ANO2: variants seen among roughly 807,000 people sequenced by gnomAD.
ANO2 encodes anoctamin 2.
In ANO2, 101 loss-of-function variants were observed where a neutral mutation model predicts 124.2. The ratio of observed to expected loss-of-function variants is 0.81; its 90% confidence interval spans 0.69 to 0.96. The LOEUF (loss-of-function observed/expected upper bound fraction) is 0.96. Among genes scored for constraint, ANO2 ranks in the 40% least tolerant of loss-of-function variants. The pLI, the probability that ANO2 is intolerant of heterozygous loss-of-function variation, is 0.00. For missense variants in ANO2, 1,293 were observed against 1,274.5 expected (o/e 1.01, Z -0.22); for synonymous variants, 486 against 482.5 (o/e 1.01, Z -0.09).
chr12:5,613,712 C>T (rs758225973), intron 17 of ANO2, among the ~76,000 whole-genome samples: 1 of 152,180 alleles, frequency 6.6e-6, no homozygotes, highest in African/African-American at 2.4e-5. Flanking sequence ...TCCCCCAACA[C>T]TTTATTTATA....
intron 3 of ANO2, among the ~76,000 whole-genome samples, chr12:5,886,398 T>C (rs1028899007): frequency 1.3e-5 from 2 of 152,130 alleles, no homozygotes; most frequent in African/African-American, 4.8e-5. Context: ...GAAAATATAA[T>C]AGTGTTTGCC....
In ANO2 at chr12:5,839,940, C is replaced by A. The variant is rs552469342; in HGVS notation, c.634-7337G>T. ...TTGATCCTTGGCTGGGCTCCATGGA[C>A]TGCCCCTGAGAAGAAAGTAGGCTGT... On this transcript the variant is annotated intron_variant, in intron 4 of 24. Coordinates refer to ENST00000682330, the MANE Select transcript of ANO2 (RefSeq NM_001364791.2). 5.3e-5 allele frequency among the ~76,000 whole-genome samples: 8 copies of A among 152,278 alleles called. No homozygotes were observed. In the South Asian group the frequency reaches 1.7e-3, roughly 32 times the overall value.
At chr12:5,685,562 T>C (rs1948668583) in intron 14 of ANO2, among the ~76,000 whole-genome samples, 1 of 152,178 alleles carries the variant, frequency 6.6e-6, no homozygotes, top group South Asian at 2.1e-4. Context: ...GGCTGGTAGA[T>C]CAGTTGAGCC....
chr12:5,845,986 C>G (rs1158096537), intron 4 of ANO2, among the ~76,000 whole-genome samples: 1 of 152,204 alleles, frequency 6.6e-6, no homozygotes. Flanking sequence ...GACTTTTGAT[C>G]TCAAGATAAT....
At chr12:5,939,759 T>C (rs535946260) in intron 1 of ANO2, among the ~76,000 whole-genome samples, 24 of 152,344 alleles carry the variant, frequency 1.6e-4, no homozygotes, top group African/African-American at 5.1e-4. Flanking sequence ...AAGTAGCACA[T>C]GTCACTGTTC....
chr12:5,762,209 T>G (rs1471309543), intron 10 of ANO2, among the ~76,000 whole-genome samples: 1 of 152,002 alleles, frequency 6.6e-6, no homozygotes, highest in Non-Finnish European at 1.5e-5. Context: ...CCAAGTGAAG[T>G]AAAATACTGA....
Position 5,900,821 on chromosome 12 carries a change from T to A in ANO2, c.534+20219A>T, listed in dbSNP as rs1591763298. ...ACTGGTGATGGCTGTTTGGAAAGAG[T>A]CAAGGCCAAGAGGGCAGGAAGGCGT... is the stretch of plus-strand genomic sequence containing the variant. On this transcript the variant is annotated intron_variant, in intron 3 of 24. Coordinates refer to ENST00000682330, the MANE Select transcript of ANO2 (RefSeq NM_001364791.2). This position sits in a 1 kb window ranked among gnomAD's most constrained non-coding sequence, Gnocchi z 4.2. Among the ~76,000 whole-genome samples the A allele has an allele frequency of 6.6e-6, 1 of 151,598 alleles. No homozygotes were observed. The highest frequency in any genetic ancestry group is 1.9e-4 in the East Asian group (1 of 5,164).
At chr12:5,622,864 T>A (rs576862918) in intron 16 of ANO2, among the ~76,000 whole-genome samples, 42 of 151,170 alleles carry the variant, frequency 2.8e-4, no homozygotes, top group Middle Eastern at 6.8e-3. Context: ...CTCGGGAGGC[T>A]GAGGCGTGAA....
chr12:5,833,448 C>G (rs1281904008), intron 4 of ANO2, among the ~76,000 whole-genome samples: 1 of 152,140 alleles, frequency 6.6e-6, no homozygotes, highest in African/African-American at 2.4e-5. Context: ...CATCTCTGTT[C>G]CCACCCCCCT....
chr12:5,944,829 T>C (rs1459664127), intron 1 of ANO2, among the ~76,000 whole-genome samples: 1 of 152,178 alleles, frequency 6.6e-6, no homozygotes, highest in Non-Finnish European at 1.5e-5. Context: ...TATTGTTTAC[T>C]TACCTTCAGA....
At chr12:5,645,043 T>G (rs1946561019) in intron 15 of ANO2, among the ~76,000 whole-genome samples, 1 of 152,236 alleles carries the variant, frequency 6.6e-6, no homozygotes. Context: ...GATGCAGATT[T>G]ATTTTTACTT....
intron 4 of ANO2, among the ~76,000 whole-genome samples, chr12:5,849,555 G>A (rs61908364): frequency 0.15 from 23,507 of 152,202 alleles, 2,396 homozygotes; most frequent in Non-Finnish European, 0.21. Flanking sequence ...GATCTTGAGT[G>A]TCCCTCACAA....
chr12:5,830,539 C>A lies in ANO2; in HGVS notation c.786-50G>T. 1.9e-6 allele frequency: 3 copies of A among 1,541,012 alleles called. No individual in the cohort carries two copies. The South Asian group carries it at 3.5e-5, about 18-fold the overall frequency. ...GCAAATTCATTTCATTACCCTTGCC[C>A]TGAGACCACTGCCACCCCAGACCCA... On this transcript the variant is annotated intron_variant, in intron 5 of 24. Transcript: ENST00000682330.
chr12:5,717,080 C>T (rs1591980102), intron 14 of ANO2, among the ~76,000 whole-genome samples: 1 of 152,222 alleles, frequency 6.6e-6, no homozygotes, highest in African/African-American at 2.4e-5. Context: ...TAAAGAATGA[C>T]TGGTAAAGCA....
intron 10 of ANO2, among the ~76,000 whole-genome samples, chr12:5,795,227 C>G (rs1952811717): frequency 6.6e-6 from 1 of 152,192 alleles, no homozygotes; most frequent in East Asian, 1.9e-4. Flanking sequence ...ACAGTGCCAC[C>G]CAAGGGCTCT....
At chr12:5,702,617 C>A (rs1403060839) in intron 14 of ANO2, among the ~76,000 whole-genome samples, 2 of 151,366 alleles carry the variant, frequency 1.3e-5, no homozygotes, top group Non-Finnish European at 2.9e-5. Flanking sequence ...TGAAATTGAT[C>A]TCTTCCGCAC....
intron 2 of ANO2, among the ~76,000 whole-genome samples, chr12:5,921,660 C>T (rs1351433118): frequency 6.6e-6 from 1 of 152,144 alleles, no homozygotes; most frequent in Non-Finnish European, 1.5e-5. Context: ...GCAGCAAACC[C>T]CTCACAACCG....
At chr12:5,626,643 T>C (rs3782600) in intron 16 of ANO2, among the ~76,000 whole-genome samples, 16,759 of 152,188 alleles carry the variant, frequency 0.11, 2,232 homozygotes, top group African/African-American at 0.31. Context: ...TCCCCTTGGA[T>C]GGTTCAAAGG....
At chr12:5,668,296 A>G (rs1420573720) in intron 14 of ANO2, among the ~76,000 whole-genome samples, 1 of 152,076 alleles carries the variant, frequency 6.6e-6, no homozygotes, top group Non-Finnish European at 1.5e-5. Context: ...GCATTTCTCT[A>G]ATGATCAGTG....
Sources: allele counts gnomAD v4.1 joint callset (sites outside exome capture counted in the v4.1 genomes callset), GRCh38; gene constraint gnomAD v4.1.1; non-coding constraint Gnocchi (gnomAD v3.1); transcripts MANE v1.5; gene names NCBI Gene and HGNC (gene_info 2026-07-23, HGNC 2026-07-21).